PRPF8: variants seen among roughly 807,000 people sequenced by gnomAD.
The protein encoded by PRPF8 is pre-mRNA-processing-splicing factor 8.
Under a neutral mutation model 285.9 loss-of-function variants are expected in PRPF8, and 64 were observed. The ratio of observed to expected loss-of-function variants is 0.22; its 90% CI spans 0.18 to 0.28. The LOEUF (loss-of-function observed/expected upper bound fraction) is 0.28, where lower values mean the gene tolerates loss of function less well. Ranked by LOEUF, PRPF8 falls within the 10% of genes least tolerant of loss-of-function variation. The pLI is 1.00. For missense variants in PRPF8, 1,426 were observed against 3,026.7 expected (o/e 0.47, Z 12.41); for synonymous variants, 1,325 against 1,118.2 (o/e 1.18, Z -3.69).
At chr17:1,663,302 T>TA (rs74265482) in intron 24 of PRPF8, among the ~76,000 whole-genome samples, 26 of 149,078 alleles carry the variant, frequency 1.7e-4, no homozygotes, top group Admixed American at 5.3e-4. Flanking sequence ...AAAAATAATT[T>TA]AAAAAAAAAA....
In PRPF8 at chr17:1,683,521, G is replaced by A. The variant is rs1308629649; in HGVS notation, c.269+12C>T. 1.2e-6 allele frequency: 2 copies of A among 1,613,938 alleles called. No individual in the cohort carries two copies. The highest frequency in any genetic ancestry group is 1.3e-5 in the African/African-American group (1 of 74,916). On this transcript the variant is annotated intron_variant, in intron 3 of 42. Transcript: ENST00000304992. ...CAAATTCCAAATGAAATTATTTCAG[G>A]ATGTTCCTTACCCCAAGTAAACCCT... is the stretch of plus-strand genomic sequence containing the variant.
chr17:1,680,463 AC>A (rs112204808), intron 8 of PRPF8: 6 of 561,228 alleles, frequency 1.1e-5, no homozygotes, highest in African/African-American at 5.6e-5. Context: ...ACAAACAAAC[AC>A]AATAGAGACA....
At position 1,658,131 on chromosome 17, in the gene PRPF8, G is replaced by A; in HGVS notation, c.5505+122C>T. The A allele has an allele frequency of 1.4e-6, 2 of 1,438,100 alleles. No homozygotes were observed. Among genetic ancestry groups the A allele is most frequent in the South Asian group, 2.4e-5 (2 of 82,782 alleles). The allele number at this position is 1,438,100 out of a possible 1,614,324, so 89.1% of individuals were successfully genotyped here. On this transcript the variant is annotated intron_variant, in intron 34 of 42. Coordinates refer to ENST00000304992, the MANE Select transcript of PRPF8 (RefSeq NM_006445.4). This position sits in a 1 kb window ranked among gnomAD's most constrained non-coding sequence, Gnocchi z 4.1. Reference sequence around the variant, plus strand: ...CAGAATACTTCCCAAGGTATTTTGGGGATAAGTTCAAATGAGATGTTCTCA... The same window carrying A: ...CAGAATACTTCCCAAGGTATTTTGGAGATAAGTTCAAATGAGATGTTCTCA...
At chr17:1,681,776 T>G (rs1447695411) in intron 5 of PRPF8, 44 bp downstream of exon 5, 2 of 1,611,948 alleles carry the variant, frequency 1.2e-6, no homozygotes, top group South Asian at 2.2e-5. Context: ...CCTTCTGCAT[T>G]TCCAGAACTC....
In PRPF8 at chr17:1,679,473, C is replaced by T. The variant is rs1187687797; in HGVS notation, c.1290-63G>A. The T allele has an allele frequency of 5.0e-6, 8 of 1,608,374 alleles. No homozygotes were observed. The Admixed American group carries it at 1.2e-4, about 24-fold the overall frequency. ...CTTCCAGACACTCTGCTAAAGGCTG[C>T]AAGCCTTGGGTTGTCTACCATTTTT... On this transcript the variant is annotated intron_variant, in intron 9 of 42. Transcript: ENST00000304992. This position sits in a 1 kb window ranked among gnomAD's most constrained non-coding sequence, Gnocchi z 4.7.
chr17:1,659,146 C>A lies in PRPF8; in HGVS notation c.5138+211G>T. The A allele has an allele frequency of 1.5e-6, 1 of 675,420 alleles. No individual in the cohort carries two copies. The highest frequency in any genetic ancestry group is 2.4e-5 in the Admixed American group (1 of 42,338). 41.8% of individuals were successfully genotyped at this position (675,420 alleles called of 1,614,324 possible). ...GTTCAAGTAATTCTCCCACCTCAAC[C>A]TTCTGAGTAGCTGGGACTACAGGCG... On this transcript the variant is annotated intron_variant, in intron 32 of 42. Coordinates refer to ENST00000304992, the MANE Select transcript of PRPF8 (RefSeq NM_006445.4). This position sits in a 1 kb window ranked among gnomAD's most constrained non-coding sequence, Gnocchi z 5.1.
At chr17:1,660,629 C>A in intron 29 of PRPF8, 51 bp from the exon 30 acceptor site, 1 of 1,614,164 alleles carries the variant, frequency 6.2e-7, no homozygotes, top group Non-Finnish European at 8.5e-7. Flanking sequence ...CTCGGGCGCT[C>A]ACGACATAAC....
rs753192466 is a variant in PRPF8 at position 1,659,834 on chromosome 17, C to T, written c.4946+7G>A. On this transcript the variant is annotated splice_region_variant and intron_variant, in intron 31 of 42. Transcript: ENST00000304992. This position sits in a 1 kb window ranked among gnomAD's most constrained non-coding sequence, Gnocchi z 5.1. ...GGCTGCCTAGGGCTGGGTCCTGAGG[C>T]ACTTACTTGGAGTCAGCCAGCAATG... The T allele has an allele frequency of 6.2e-7, 1 of 1,614,000 alleles. No homozygotes were observed. The highest frequency in any genetic ancestry group is 1.1e-5 in the South Asian group (1 of 91,078).
chr17:1,655,107 G>T, intron 37 of PRPF8: 2 of 490,008 alleles, frequency 4.1e-6, no homozygotes, highest in Non-Finnish European at 3.7e-6. Context: ...ACAGGTAGGC[G>T]CCATCGCACC....
Position 1,651,003 on chromosome 17 carries a change from T to C in PRPF8, c.6854-47A>G, listed in dbSNP as rs777379308. The stretch of plus-strand genomic sequence containing the variant: ...CAATGTTAACAGGGCTCCTGCCTCA[T>C]GCAGCCTGCGCCACCTCCAAGCCAG... On this transcript the variant is annotated intron_variant, in intron 42 of 42. Transcript: ENST00000304992. This position sits in a 1 kb window ranked among gnomAD's most constrained non-coding sequence, Gnocchi z 5.1. 3 of 1,614,168 alleles carry C rather than the reference T, an allele frequency of 1.9e-6. No homozygotes were observed. Among genetic ancestry groups the C allele is most frequent in the African/African-American group, 1.3e-5 (1 of 75,036 alleles).
chr17:1,670,354 A>C (rs1912238475), intron 24 of PRPF8, among the ~76,000 whole-genome samples: 2 of 152,180 alleles, frequency 1.3e-5, no homozygotes, highest in Non-Finnish European at 2.9e-5. Flanking sequence ...CCCATGCCAA[A>C]ATCTGCACAT....
At chr17:1,657,811 TACA>T (rs1297889491) in intron 34 of PRPF8, among the ~76,000 whole-genome samples, 4 of 139,622 alleles carry the variant, frequency 2.9e-5, no homozygotes, top group South Asian at 4.6e-4. Flanking sequence ...TACTAAAAAA[TACA>T]AAAAAAATTA....
At chr17:1,654,464 G>T (rs1911246668) in intron 37 of PRPF8, 1 of 309,428 alleles carries the variant, frequency 3.2e-6, no homozygotes, top group Admixed American at 4.6e-5. Context: ...TAGGGTCTCG[G>T]ATGTTCAAAA....
Position 1,661,862 on chromosome 17 carries a change from G to A in PRPF8, c.4022+44C>T. 1 of 1,614,112 alleles carries A rather than the reference G, an allele frequency of 6.2e-7. No homozygotes were observed. Among genetic ancestry groups the A allele is most frequent in the East Asian group, 2.2e-5 (1 of 44,888 alleles). ...CTAAAGAAATACCCACTTCCCTTAG[G>A]GCCTGAGCAATAGGGTTTAGAAATA... is the stretch of plus-strand genomic sequence containing the variant. On this transcript the variant is annotated intron_variant, in intron 25 of 42. Coordinates refer to ENST00000304992, the MANE Select transcript of PRPF8 (RefSeq NM_006445.4). The surrounding 1 kb of genome is among the most constrained non-coding windows in gnomAD (Gnocchi z 7.3).
In PRPF8 at chr17:1,656,575, G is replaced by C; in HGVS notation, c.5620-10C>G. On this transcript the variant is annotated splice_polypyrimidine_tract_variant and intron_variant, in intron 35 of 42. Coordinates refer to ENST00000304992, the MANE Select transcript of PRPF8 (RefSeq NM_006445.4). ...AGTCCAGTAAGTGCACCTAAGACAAGATCAAGTCCAAGATGAGAAACAGCC... is the reference window on the plus strand; with the variant it reads ...AGTCCAGTAAGTGCACCTAAGACAACATCAAGTCCAAGATGAGAAACAGCC... 6.2e-7 allele frequency: 1 copy of C among 1,614,106 alleles called. No individual in the cohort carries two copies.
chr17:1,674,527 G>C lies in PRPF8; in HGVS notation c.3214C>G (p.Leu1072Val). Residue 1072 changes from leucine to valine, a missense_variant, in exon 21 of 43, where the codon CTC (leucine) becomes GTC (valine). Leu to Val is a conservative substitution (Grantham distance 32, BLOSUM62 1). This residue lies in a region of PRPF8 where 148 missense variants were observed against 196.2 expected (regional missense o/e 0.75). Transcript: ENST00000304992. ...TCAGTGGCTATGTCCTGGAAACTGA[G>C]AAAGTCATTTGGCATCTGAGGGGGC... is the stretch of plus-strand genomic sequence containing the variant. ...AGPPQMPNDFLSFQDIATEAA... is the reference protein window; with the variant it reads ...AGPPQMPNDFVSFQDIATEAA... 1 of 1,614,190 alleles carries C rather than the reference G, an allele frequency of 6.2e-7. No individual in the cohort carries two copies. Among genetic ancestry groups the C allele is most frequent in the Non-Finnish European group, 8.5e-7 (1 of 1,180,032 alleles).
Position 1,676,886 on chromosome 17 carries a change from G to C in PRPF8, c.2181+90C>G. On this transcript the variant is annotated intron_variant, in intron 15 of 42. Coordinates refer to ENST00000304992, the MANE Select transcript of PRPF8 (RefSeq NM_006445.4). The surrounding 1 kb of genome is among the most constrained non-coding windows in gnomAD (Gnocchi z 6.3). Reference sequence around the variant, plus strand: ...CTAAAAGGGAAAAGAAAAGAGATTGGAGCCAGATAGCCCCCTAATGATTCC... The same window carrying C: ...CTAAAAGGGAAAAGAAAAGAGATTGCAGCCAGATAGCCCCCTAATGATTCC... The C allele has an allele frequency of 6.5e-7, 1 of 1,526,874 alleles. No individual in the cohort carries two copies. Among genetic ancestry groups the C allele is most frequent in the Non-Finnish European group, 9.0e-7 (1 of 1,109,998 alleles). 94.6% of individuals were successfully genotyped at this position (1,526,874 alleles called of 1,614,324 possible). A position where few individuals can be genotyped will look rare whatever the true frequency, so the allele number is the denominator to read the frequency against.
At position 1,659,721 on chromosome 17, in the gene PRPF8, G is replaced by C. The variant is rs28573273; in HGVS notation, c.4946+120C>G. On this transcript the variant is annotated intron_variant, in intron 31 of 42. Transcript: ENST00000304992. The surrounding 1 kb of genome is among the most constrained non-coding windows in gnomAD (Gnocchi z 5.1). ...CTAAGGGTGTTGACAGGCTCCAAGC[G>C]TAGCACTGGCTCCAAGTTTGAAACA... is the stretch of plus-strand genomic sequence containing the variant. 17 of 1,403,030 alleles carry C rather than the reference G, an allele frequency of 1.2e-5. No homozygotes were observed. The highest frequency in any genetic ancestry group is 1.6e-5 in the Non-Finnish European group (16 of 1,014,744). 86.9% of individuals were successfully genotyped at this position (1,403,030 alleles called of 1,614,324 possible).
At position 1,673,949 on chromosome 17, in the gene PRPF8, A is replaced by C; in HGVS notation, c.3300-57T>G. The C allele has an allele frequency of 6.3e-7, 1 of 1,599,692 alleles. No homozygotes were observed. Among genetic ancestry groups the C allele is most frequent in the Non-Finnish European group, 8.5e-7 (1 of 1,176,074 alleles). ...CAGTACACTGAGATTTGGGACACCC[A>C]CAAGTCCTCCAGCTCAATAGACGGA... On this transcript the variant is annotated intron_variant, in intron 21 of 42. Transcript: ENST00000304992. This position sits in a 1 kb window ranked among gnomAD's most constrained non-coding sequence, Gnocchi z 5.5.
Sources: allele counts gnomAD v4.1 joint callset (sites outside exome capture counted in the v4.1 genomes callset), GRCh38; gene constraint gnomAD v4.1.1; regional missense constraint gnomAD v4.1.1; non-coding constraint Gnocchi (gnomAD v3.1); transcripts MANE v1.5; gene names NCBI Gene and HGNC (gene_info 2026-07-23, HGNC 2026-07-21).